Variants in CEACAM18 observed in about 807,000 individuals in gnomAD.
CEACAM18 encodes the protein CEA cell adhesion molecule 18.
CEACAM18 carries 33 observed loss-of-function variants against 34.3 expected under a neutral mutation model. The ratio of observed to expected loss-of-function variants is 0.96; its 90% CI spans 0.73 to 1.29. The LOEUF is 1.29. Ranked by LOEUF, CEACAM18 falls within the 50% of genes most tolerant of loss-of-function variation. The pLI, the probability that CEACAM18 is intolerant of heterozygous loss-of-function variation, is 0.00. For synonymous variants in CEACAM18, 169 were observed against 180.9 expected, an observed-to-expected ratio of 0.93 and a Z score of 0.53; for missense variants, 474 against 485.0, an observed-to-expected ratio of 0.98 and a Z score of 0.21.
At chr19:51,482,907 G>A (rs954947802) in intron 3 of CEACAM18, 110 bp from the exon 4 acceptor site, 3 of 1,308,512 alleles carry the variant, frequency 2.3e-6, no homozygotes, top group Non-Finnish European at 3.2e-6. Flanking sequence ...CAGGTCTAGG[G>A]GTTAGCCCGA....
chr19:51,489,972 A>T (rs1990064056), intron 5 of CEACAM18, among the ~76,000 whole-genome samples: 1 of 151,682 alleles, frequency 6.6e-6, no homozygotes, highest in Non-Finnish European at 1.5e-5. Flanking sequence ...TGGCAGAACC[A>T]CCTCCACGCC....
intron 5 of CEACAM18, among the ~76,000 whole-genome samples, chr19:51,486,440 G>A (rs1044276252): frequency 7.2e-5 from 11 of 152,080 alleles, no homozygotes; most frequent in African/African-American, 2.7e-4. Context: ...GCATCATTGT[G>A]CCCGGAGGAA....
chr19:51,485,004 C>T, exon 5 of CEACAM18: 1 of 1,536,100 alleles, frequency 6.5e-7, no homozygotes. Context: ...ACCTGTTGTC[C>T]ACAGAGATTT....
At chr19:51,478,827 G>A in intron 1 of CEACAM18, 133 bp downstream of exon 1, 1 of 609,174 alleles carries the variant, frequency 1.6e-6, no homozygotes, top group South Asian at 3.4e-5. Flanking sequence ...AGGGGTCGGG[G>A]AGAGGAGAAG....
chr19:51,478,611 G>A (rs754318036), upstream of CEACAM18: 16 of 1,572,462 alleles, frequency 1.0e-5, no homozygotes, highest in South Asian at 4.6e-5. Flanking sequence ...TCTCTGGAGG[G>A]ACCCCTCCTC....
exon 4 of CEACAM18, chr19:51,483,289 C>T (rs1485561995): frequency 6.2e-7 from 1 of 1,613,882 alleles, no homozygotes. Context: ...GATCCAGGCC[C>T]CCCATGAGTG....
intron 5 of CEACAM18, among the ~76,000 whole-genome samples, chr19:51,488,649 C>T (rs557233502): frequency 6.6e-6 from 1 of 152,320 alleles, no homozygotes; most frequent in Non-Finnish European, 1.5e-5. Flanking sequence ...GGGTGGGCCC[C>T]TGCCTTAGGG....
chr19:51,482,831 G>C (rs540116449), intron 3 of CEACAM18, among the ~76,000 whole-genome samples, 186 bp from the exon 4 acceptor site: 55 of 152,326 alleles, frequency 3.6e-4, no homozygotes, highest in Non-Finnish European at 5.9e-5. Flanking sequence ...CTGGCCTCTA[G>C]TAGTTCCTTA....
At chr19:51,482,671 C>T (rs1989936187) in intron 3 of CEACAM18, among the ~76,000 whole-genome samples, 1 of 152,178 alleles carries the variant, frequency 6.6e-6, no homozygotes, top group Non-Finnish European at 1.5e-5. Context: ...TAAAATGGAT[C>T]AATGGTGGAA....
At chr19:51,478,598 G>C (rs1257699161), upstream of CEACAM18, 1 of 1,537,262 alleles carries the variant, frequency 6.5e-7, no homozygotes, top group Middle Eastern at 1.7e-4. Context: ...GGAGGTGGCT[G>C]TGTCTCTGGA....
At chr19:51,481,793 C>G (rs1372972098) in intron 3 of CEACAM18, 128 bp downstream of exon 3, 1 of 972,194 alleles carries the variant, frequency 1.0e-6, no homozygotes, top group Non-Finnish European at 1.5e-6. Context: ...CCAGCTCACT[C>G]TGGATTGGAA....
chr19:51,488,078 A>G (rs942196619), intron 5 of CEACAM18, among the ~76,000 whole-genome samples: 9 of 152,180 alleles, frequency 5.9e-5, no homozygotes, highest in African/African-American at 2.2e-4. Flanking sequence ...AGAGACAACC[A>G]CTAGTCCCTC....
intron 5 of CEACAM18, among the ~76,000 whole-genome samples, chr19:51,489,678 ACTGT>A (rs1990058545): frequency 6.6e-6 from 1 of 152,180 alleles, no homozygotes; most frequent in Admixed American, 6.5e-5. Context: ...AATCGGCCTG[ACTGT>A]GCTTTACTTG....
At position 51,484,981 on chromosome 19, in the gene CEACAM18, C is replaced by T; in HGVS notation, c.954-6C>T. On this transcript the variant is annotated splice_region_variant and splice_polypyrimidine_tract_variant and intron_variant, in intron 4 of 5. Transcript: ENST00000396477. ...GTCCTGACCCCCAGGTGTCCTCTTC[C>T]TTCAGGGATCTTACCTGTTGTCCAC... 1.3e-6 allele frequency: 2 copies of T among 1,536,110 alleles called. No individual in the cohort carries two copies. The highest frequency in any genetic ancestry group is 1.7e-6 in the Non-Finnish European group (2 of 1,146,904).
chr19:51,478,678 G>A, exon 1 of CEACAM18: 1 of 1,476,980 alleles, frequency 6.8e-7, no homozygotes. Context: ...GCCTGTGGAG[G>A]AGGGTCTTCC....
At chr19:51,480,042 G>A (rs543144727) in intron 1 of CEACAM18, among the ~76,000 whole-genome samples, 18 of 152,202 alleles carry the variant, frequency 1.2e-4, no homozygotes, top group African/African-American at 3.4e-4. Flanking sequence ...GAACAGGGTC[G>A]CAACTTGGGC....
At chr19:51,490,472 A>G (rs10413294) in intron 5 of CEACAM18, 115 bp from the exon 6 acceptor site, 257,600 of 838,886 alleles carry the variant, frequency 0.31, 40,670 homozygotes, top group Middle Eastern at 0.42. Flanking sequence ...CATGTGAGGA[A>G]GACTTAGGCT....
chr19:51,481,732 T>C lies in CEACAM18; in HGVS notation c.673+67T>C, dbSNP rs1989920034. ...TCAGGGCTTTCTAGGGATAGGAATA[T>C]GTTAGGACAGGCTGAGCTGGAGAGA... On this transcript the variant is annotated intron_variant, in intron 3 of 5. Transcript: ENST00000396477. The C allele has an allele frequency of 4.6e-6, 7 of 1,508,458 alleles. No individual in the cohort carries two copies. The African/African-American group carries it at 9.6e-5, about 21-fold the overall frequency. 93.4% of individuals were successfully genotyped at this position (1,508,458 alleles called of 1,614,324 possible).
chr19:51,480,523 C>G, exon 2 of CEACAM18: 2 of 1,614,014 alleles, frequency 1.2e-6, no homozygotes, highest in Non-Finnish European at 1.7e-6. Flanking sequence ...CGCCCAGTGC[C>G]CAGCAGCCTG....
Sources: allele counts gnomAD v4.1 joint callset (sites outside exome capture counted in the v4.1 genomes callset), GRCh38; gene constraint gnomAD v4.1.1; transcripts MANE v1.5; gene names NCBI Gene and HGNC (gene_info 2026-07-23, HGNC 2026-07-21).